Variants in SMTN observed in about 807,000 individuals in gnomAD.
The protein encoded by SMTN is smoothelin.
Under a neutral mutation model 102.0 loss-of-function variants are expected in SMTN, and 58 were observed. The observed-to-expected ratio is 0.57, with a 90% CI of 0.46 to 0.71. SMTN has a LOEUF of 0.71. SMTN is among the 30% of genes least tolerant of loss of function. The pLI is 0.00. For synonymous variants in SMTN, 478 were observed against 497.9 expected (o/e 0.96, Z 0.53); for missense variants, 1,185 against 1,241.7 (o/e 0.95, Z 0.69).
At position 31,096,982 on chromosome 22, in the gene SMTN, T is replaced by G. The variant is rs2043641599; in HGVS notation, c.2027-16T>G. The G allele has an allele frequency of 6.2e-7, 1 of 1,613,886 alleles. No individual in the cohort carries two copies. ...CCCTGTGCCTTTCACATCCTTCTCA[T>G]CCCCTGCCCCTGCAGATGATGGCAC... On this transcript the variant is annotated splice_polypyrimidine_tract_variant and intron_variant, in intron 14 of 20. Coordinates refer to ENST00000333137, the MANE Select transcript of SMTN (RefSeq NM_134269.3).
At position 31,104,305 on chromosome 22, in the gene SMTN, C is replaced by G. The variant is rs2044325959; in HGVS notation, c.*21-11C>G. 1 of 1,613,704 alleles carries G rather than the reference C, an allele frequency of 6.2e-7. No homozygotes were observed. ...GGCGCTGACATCCAACCCCGTGCCC[C>G]CTCCCTGCAGGATGCTGGTGGACTG... On this transcript the variant is annotated splice_polypyrimidine_tract_variant and intron_variant, in intron 20 of 20. Transcript: ENST00000333137.
At chr22:31,084,468 G>A (rs1487198867) in intron 2 of SMTN, among the ~76,000 whole-genome samples, 1 of 152,192 alleles carries the variant, frequency 6.6e-6, no homozygotes, top group Non-Finnish European at 1.5e-5. Flanking sequence ...CTGGGTGTCT[G>A]CCTCTCCACT....
Position 31,101,062 on chromosome 22 carries a change from G to A in SMTN, c.*20+13G>A, listed in dbSNP as rs376562328. 3.0e-5 allele frequency: 48 copies of A among 1,583,748 alleles called. No homozygotes were observed. Among genetic ancestry groups the A allele is most frequent in the South Asian group, 2.0e-4 (18 of 87,920 alleles). ...TCGGGGCCCCACGGTGAGAAACGCCGCCTCTACCACCTGCCCCGTTTCACC... is the reference window on the plus strand; with the variant it reads ...TCGGGGCCCCACGGTGAGAAACGCCACCTCTACCACCTGCCCCGTTTCACC... On this transcript the variant is annotated intron_variant, in intron 20 of 20. Coordinates refer to ENST00000333137, the MANE Select transcript of SMTN (RefSeq NM_134269.3).
chr22:31,091,718 C>T lies in SMTN; in HGVS notation c.1503C>T (p.Thr501=), dbSNP rs149731578. The T allele has an allele frequency of 6.7e-4, 1,088 of 1,612,246 alleles. 13 individuals carry two copies. Among genetic ancestry groups the T allele is most frequent in the East Asian group, 6.0e-3 (268 of 44,858 alleles). ...GLRAPPTLLS[T]SSGGKSTITR... ...GGGCGCCCCCGACCCTACTCAGCAC[C>T]AGTAGTGGGGGCAAGAGCACCATCA... is the stretch of plus-strand genomic sequence containing the variant. The change falls in exon 11 of 21, where the codon ACC becomes ACT. Residue 501 remains threonine (T), a synonymous_variant. Transcript: ENST00000333137.
rs1183874722 is a variant in SMTN at position 31,097,016 on chromosome 22, C to G, written c.2045C>G (p.Ala682Gly). 1.9e-6 allele frequency: 3 copies of G among 1,614,050 alleles called. No individual in the cohort carries two copies. The highest frequency in any genetic ancestry group is 1.7e-5 in the Admixed American group (1 of 60,010). The part of the protein sequence containing the change: ...LVHSNDGTRT[A>G]RTTTVESSFV... ...CCTGCAGATGATGGCACACGGACGGCCCGCACCACCACAGTGGAGTCGAGT... is the reference window on the plus strand; with the variant it reads ...CCTGCAGATGATGGCACACGGACGGGCCGCACCACCACAGTGGAGTCGAGT... Residue 682 changes from alanine to glycine, a missense_variant, in exon 15 of 21, where the codon GCC becomes GGC. Ala to Gly is a moderately conservative substitution (Grantham distance 60, BLOSUM62 0). This residue lies in a region of SMTN where 1,096 missense variants were observed against 1,112.7 expected (regional missense o/e 0.98). Coordinates refer to ENST00000333137, the MANE Select transcript of SMTN (RefSeq NM_134269.3).
intron 6 of SMTN, among the ~76,000 whole-genome samples, chr22:31,089,482 C>G (rs2042953763): frequency 1.3e-5 from 2 of 152,214 alleles, no homozygotes; most frequent in South Asian, 2.1e-4. Flanking sequence ...CTCTGAACCC[C>G]TTTGGCTAGG....
In SMTN at chr22:31,095,828, A is replaced by G. The variant is rs555345056; in HGVS notation, c.1861+219A>G. On this transcript the variant is annotated intron_variant, in intron 13 of 20. Transcript: ENST00000333137. This position sits in a 1 kb window ranked among gnomAD's most constrained non-coding sequence, Gnocchi z 4.1. ...CTGGTGACCCCAGTTATTCTCCCCA[A>G]CCAGCTTCTCTTCTCCTTCCTAGAC... 3.2e-5 allele frequency: 18 copies of G among 568,176 alleles called. No homozygotes were observed. The East Asian group carries it at 3.9e-4, about 12-fold the overall frequency. The allele number at this position is 568,176 out of a possible 1,614,324, so 35.2% of individuals were successfully genotyped here.
chr22:31,089,076 C>A (rs2042922068), intron 6 of SMTN, 107 bp downstream of exon 6: 1 of 867,664 alleles, frequency 1.2e-6, no homozygotes, highest in Non-Finnish European at 1.8e-6. Context: ...AGGGGCCCAC[C>A]CCTGCCATCC....
At position 31,085,054 on chromosome 22, in the gene SMTN, C is replaced by G. The variant is rs1473194140; in HGVS notation, c.51+1745C>G. On this transcript the variant is annotated intron_variant, in intron 2 of 20. Coordinates refer to ENST00000333137, the MANE Select transcript of SMTN (RefSeq NM_134269.3). ...CTTCCGGCCCCGGCTCCCGCACATT[C>G]TTGAGGATTGGGCCGGGGATGGGAG... 3.3e-6 allele frequency: 5 copies of G among 1,529,926 alleles called. No individual in the cohort carries two copies. In the South Asian group the frequency reaches 3.6e-5, roughly 11 times the overall value. The allele number at this position is 1,529,926 out of a possible 1,614,324, so 94.8% of individuals were successfully genotyped here. A position where few individuals can be genotyped will look rare whatever the true frequency, so the allele number is the denominator to read the frequency against.
Position 31,083,236 on chromosome 22 carries a change from C to T in SMTN, c.-23C>T, listed in dbSNP as rs765395165. 57 of 1,597,336 alleles carry T rather than the reference C, an allele frequency of 3.6e-5. No homozygotes were observed. Among genetic ancestry groups the T allele is most frequent in the Admixed American group, 1.3e-4 (7 of 55,846 alleles). ...ACTGGGGATCTCACCAGAAAGGAAC[C>T]GACGGAGCTAGGGGCCAGCGAGATG... On this transcript the variant is annotated 5_prime_UTR_variant, in exon 2 of 21. Transcript: ENST00000333137.
chr22:31,101,168 G>C (rs2044060905), intron 20 of SMTN, 119 bp downstream of exon 20: 1 of 914,418 alleles, frequency 1.1e-6, no homozygotes, highest in African/African-American at 1.7e-5. Flanking sequence ...AGCCAGAGGA[G>C]CCAGACATAG....
In SMTN at chr22:31,098,704, G is replaced by C. The variant is rs774251635; in HGVS notation, c.2197G>C (p.Gly733Arg). 3 of 1,613,572 alleles carry C rather than the reference G, an allele frequency of 1.9e-6. No individual in the cohort carries two copies. The highest frequency in any genetic ancestry group is 1.7e-6 in the Non-Finnish European group (2 of 1,179,934). ...DREDQASPRAGSLAALEKRQA... is the reference protein window; with the variant it reads ...DREDQASPRARSLAALEKRQA... ...CGAGGACCAGGCCAGCCCACGGGCC[G>C]GCAGCCTGGCGGCGCTCGAGAAACG... The change falls in exon 17 of 21, where the codon GGC (glycine) becomes CGC (arginine). Residue 733 changes from glycine (G) to arginine (R), a missense_variant. Coordinates refer to ENST00000333137, the MANE Select transcript of SMTN (RefSeq NM_134269.3).
intron 1 of SMTN, chr22:31,082,368 A>G (rs2042364642): frequency 5.4e-6 from 2 of 368,374 alleles, no homozygotes; most frequent in Non-Finnish European, 1.1e-5. Context: ...TCTGTCACTG[A>G]GAGTGTTCCA....
intron 2 of SMTN, 137 bp downstream of exon 2, chr22:31,083,446 G>C: frequency 2.8e-6 from 3 of 1,086,836 alleles, no homozygotes; most frequent in Non-Finnish European, 3.8e-6. Flanking sequence ...AACAGGGGTA[G>C]GCCAGTTCCA....
At chr22:31,097,969 C>T (rs915076303) in intron 16 of SMTN, among the ~76,000 whole-genome samples, 2 of 152,204 alleles carry the variant, frequency 1.3e-5, no homozygotes, top group Non-Finnish European at 2.9e-5. Flanking sequence ...ACCTACCACA[C>T]TGAGCTGCCT....
upstream of SMTN, among the ~76,000 whole-genome samples, chr22:31,080,102 T>G (rs982947837): frequency 2.0e-5 from 3 of 152,132 alleles, no homozygotes; most frequent in Non-Finnish European, 4.4e-5. Context: ...GGACCACTTC[T>G]CAGGGGTGTG....
intron 15 of SMTN, 76 bp downstream of exon 15, chr22:31,097,136 T>G: frequency 6.6e-7 from 1 of 1,526,646 alleles, no homozygotes; most frequent in Non-Finnish European, 9.1e-7. Flanking sequence ...GAGCTCTCTC[T>G]CCGTGTCTTC....
intron 11 of SMTN, 134 bp downstream of exon 11, chr22:31,091,981 G>C: frequency 1.1e-6 from 1 of 883,336 alleles, no homozygotes. Flanking sequence ...AGAGAGGGAA[G>C]GTGGCTGCTC....
Position 31,095,467 on chromosome 22 carries a change from T to G in SMTN, c.1785+12T>G. 6.2e-7 allele frequency: 1 copy of G among 1,614,186 alleles called. No homozygotes were observed. The highest frequency in any genetic ancestry group is 8.5e-7 in the Non-Finnish European group (1 of 1,180,028). ...TCTTGGACAAGATGGTATAGCCAGA[T>G]CCGGTGGGCTGGGGGTTGGCAGAGG... On this transcript the variant is annotated intron_variant, in intron 12 of 20. Transcript: ENST00000333137. The surrounding 1 kb of genome is among the most constrained non-coding windows in gnomAD (Gnocchi z 4.1).
Sources: allele counts gnomAD v4.1 joint callset (sites outside exome capture counted in the v4.1 genomes callset), GRCh38; gene constraint gnomAD v4.1.1; regional missense constraint gnomAD v4.1.1; non-coding constraint Gnocchi (gnomAD v3.1); transcripts MANE v1.5; gene names NCBI Gene and HGNC (gene_info 2026-07-23, HGNC 2026-07-21).